Variants in NAV3 observed in about 807,000 individuals in gnomAD.
The protein encoded by NAV3 is pore membrane and/or filament interacting like protein 1.
A neutral mutation model predicts 244.7 loss-of-function variants in NAV3; 87 were observed. The ratio of observed to expected loss-of-function variants is 0.36; its 90% CI spans 0.30 to 0.42. The LOEUF (loss-of-function observed/expected upper bound fraction) is 0.42. Among genes scored for constraint, NAV3 ranks in the 20% least tolerant of loss-of-function variants. The probability of loss-of-function intolerance (pLI) is 1.00; values close to 1 mark genes in which losing one functional copy is unlikely to be tolerated. For synonymous variants in NAV3, 1,126 were observed against 1,042.2 expected (o/e 1.08, Z -1.55); for missense variants, 2,663 against 2,893.3 (o/e 0.92, Z 1.83).
intron 7 of NAV3, among the ~76,000 whole-genome samples, chr12:78,005,702 ACTC>A (rs1336251893): frequency 8.6e-5 from 13 of 150,304 alleles, no homozygotes; most frequent in Non-Finnish European, 2.9e-5. Context: ...TCCACCATAC[ACTC>A]CTCATTAGAT....
chr12:77,975,455 A>AT (rs1486854127), intron 5 of NAV3, among the ~76,000 whole-genome samples: 1 of 152,252 alleles, frequency 6.6e-6, no homozygotes, highest in East Asian at 1.9e-4. Context: ...AGAAAAATAA[A>AT]TCAGAAAAAG....
chr12:77,704,543 T>C (rs543348305), intron 2 of NAV3, among the ~76,000 whole-genome samples: 1 of 152,302 alleles, frequency 6.6e-6, no homozygotes. Context: ...TTACCTCATA[T>C]AAAGCAAAAC....
At chr12:77,867,581 G>T (rs980146723) in intron 1 of NAV3, among the ~76,000 whole-genome samples, 1 of 151,872 alleles carries the variant, frequency 6.6e-6, no homozygotes, top group Non-Finnish European at 1.5e-5. Context: ...CACCACGCCC[G>T]GCTAATTTTT....
chr12:77,747,000 T>C (rs987290119), intron 2 of NAV3, among the ~76,000 whole-genome samples: 16 of 152,202 alleles, frequency 1.1e-4, no homozygotes, highest in Non-Finnish European at 1.6e-4. Context: ...TCTCCTAAAA[T>C]GTTTTAGGCC....
chr12:78,005,726 T>C (rs556457381), intron 7 of NAV3, among the ~76,000 whole-genome samples: 39 of 152,292 alleles, frequency 2.6e-4, no homozygotes, highest in African/African-American at 9.4e-4. Context: ...ACCTAAATCA[T>C]TGAATGAAGC....
chr12:78,044,682 C>T (rs1450000624), intron 9 of NAV3, among the ~76,000 whole-genome samples: 1 of 152,090 alleles, frequency 6.6e-6, no homozygotes, highest in Non-Finnish European at 1.5e-5. Context: ...ATTTTATTCT[C>T]TTTGTAGCAA....
At chr12:78,181,670 C>A (rs558537942) in intron 30 of NAV3, among the ~76,000 whole-genome samples, 1 of 152,078 alleles carries the variant, frequency 6.6e-6, no homozygotes, top group African/African-American at 2.4e-5. Context: ...TCAAGAGAAT[C>A]ATTTCAAGGA....
rs186157788 is a variant in NAV3 at position 78,193,192 on chromosome 12, A to C, written c.6291+2973A>C. Among the ~76,000 whole-genome samples the C allele has an allele frequency of 5.9e-5, 9 of 152,310 alleles. No homozygotes were observed. In the East Asian group the frequency reaches 1.5e-3, roughly 26 times the overall value. On this transcript the variant is annotated intron_variant, in intron 34 of 39. Transcript: ENST00000397909. ...ATCATCAAATGAAAAACATCTTTTC[A>C]TGTTTTCAGTACCTCTGCACTTTAC...
chr12:77,726,183 T>A (rs11106441), intron 2 of NAV3, among the ~76,000 whole-genome samples: 1 of 151,358 alleles, frequency 6.6e-6, no homozygotes, highest in Non-Finnish European at 1.5e-5. Context: ...TGTGCATTTT[T>A]CCAGAGTTGA....
rs146336896 is a variant in NAV3, at chr12:78,149,204, A to G, written c.4785+285A>G. Among the ~76,000 whole-genome samples, 666 of 152,022 alleles carry G rather than the reference A, an allele frequency of 4.4e-3. 1 individual carries two copies. The highest frequency in any genetic ancestry group is 0.024 in the Middle Eastern group (7 of 294). The stretch of plus-strand genomic sequence containing the variant: ...TCTTTTCTTGTTTGCTATTTTTATT[A>G]CTCCTCTTGCATAAGATTCTCTGAC... On this transcript the variant is annotated intron_variant, in intron 22 of 39. Transcript: ENST00000397909.
At chr12:77,933,523 A>C (rs1046433199) in intron 1 of NAV3, among the ~76,000 whole-genome samples, 1 of 152,234 alleles carries the variant, frequency 6.6e-6, no homozygotes, top group Non-Finnish European at 1.5e-5. Flanking sequence ...ATTCACTTTT[A>C]AATCAAACTC....
chr12:77,903,897 C>T (rs11107281), intron 1 of NAV3, among the ~76,000 whole-genome samples: 1 of 152,144 alleles, frequency 6.6e-6, no homozygotes, highest in African/African-American at 2.4e-5. Flanking sequence ...TGAAAAAATG[C>T]TCATCATCAC....
At chr12:77,869,680 G>A (rs528226076) in intron 1 of NAV3, among the ~76,000 whole-genome samples, 7 of 151,998 alleles carry the variant, frequency 4.6e-5, no homozygotes, top group Admixed American at 6.6e-5. Flanking sequence ...TTCTAGATCC[G>A]TTTCTTTTGC....
intron 15 of NAV3, among the ~76,000 whole-genome samples, chr12:78,121,108 A>G (rs1029360682): frequency 6.6e-6 from 1 of 152,338 alleles, no homozygotes; most frequent in African/African-American, 2.4e-5. Flanking sequence ...TATTCGTCAT[A>G]AAATATTTCA....
chr12:77,943,401 G>C (rs1011955441), intron 3 of NAV3, among the ~76,000 whole-genome samples: 1 of 152,034 alleles, frequency 6.6e-6, no homozygotes, highest in African/African-American at 2.4e-5. Context: ...GAATGACTTA[G>C]ATCCTCATTT....
intron 9 of NAV3, among the ~76,000 whole-genome samples, chr12:78,045,018 G>C (rs946128382): frequency 6.6e-6 from 1 of 152,138 alleles, no homozygotes; most frequent in African/African-American, 2.4e-5. Context: ...GGTTTTCAAA[G>C]GGAATGCTTC....
intron 12 of NAV3, among the ~76,000 whole-genome samples, chr12:78,071,856 A>C (rs1390480619): frequency 4.6e-5 from 7 of 152,206 alleles, no homozygotes; most frequent in Non-Finnish European, 7.3e-5. Flanking sequence ...CAGTTCAATC[A>C]AACTAGAACT....
chr12:78,098,686 CAAAG>C (rs1361761475), intron 12 of NAV3, among the ~76,000 whole-genome samples: 2 of 149,972 alleles, frequency 1.3e-5, no homozygotes. Flanking sequence ...AAAGGAAAAA[CAAAG>C]AAACAGATTT....
intron 2 of NAV3, among the ~76,000 whole-genome samples, chr12:77,707,574 C>T (rs1875888288): frequency 6.6e-6 from 1 of 152,112 alleles, no homozygotes; most frequent in Admixed American, 6.6e-5. Flanking sequence ...TGGGTATATG[C>T]CCAGTAATGG....
Sources: gnomAD v4.1 joint callset for allele counts (sites outside exome capture counted in the v4.1 genomes callset) on GRCh38, gnomAD v4.1.1 for gene constraint, MANE v1.5 for transcripts, NCBI Gene and HGNC (gene_info 2026-07-23, HGNC 2026-07-21) for gene names.